FER: variants seen among roughly 807,000 people sequenced by gnomAD.
FER encodes the protein tyrosine-protein kinase Fer.
FER carries 63 observed loss-of-function variants against 111.0 expected under a neutral mutation model. That is an observed-to-expected ratio of 0.57 (90% confidence interval 0.46 to 0.70). The LOEUF is 0.70. Among genes scored for constraint, FER ranks in the 30% least tolerant of loss-of-function variants. The probability of loss-of-function intolerance (pLI) is 0.00; values close to 1 mark genes in which losing one functional copy is unlikely to be tolerated. For synonymous variants in FER, 327 were observed against 313.9 expected, an observed-to-expected ratio of 1.04 and a Z score of -0.44; for missense variants, 914 against 954.0, an observed-to-expected ratio of 0.96 and a Z score of 0.55.
chr5:108,948,274 T>A (rs1757265747), intron 11 of FER, among the ~76,000 whole-genome samples: 1 of 152,078 alleles, frequency 6.6e-6, no homozygotes, highest in Non-Finnish European at 1.5e-5. Flanking sequence ...AGATCAACAG[T>A]CTTGATAGAA....
intron 13 of FER, among the ~76,000 whole-genome samples, chr5:108,998,402 A>T (rs1259676377): frequency 1.3e-5 from 2 of 151,956 alleles, no homozygotes; most frequent in East Asian, 3.9e-4. Context: ...AGGGGAGGGA[A>T]ATTCGCTAAC....
intron 13 of FER, among the ~76,000 whole-genome samples, chr5:109,019,624 C>T (rs1188521581): frequency 5.3e-5 from 8 of 151,700 alleles, no homozygotes; most frequent in African/African-American, 1.9e-4. Context: ...GAGGATGAGA[C>T]ATCAGTCATG....
chr5:108,969,714 C>T (rs1366950308), intron 13 of FER, among the ~76,000 whole-genome samples: 1 of 147,498 alleles, frequency 6.8e-6, no homozygotes, highest in African/African-American at 2.7e-5. Context: ...TAGGATGATG[C>T]TTTATTGAGA....
At position 109,100,386 on chromosome 5, in the gene FER, A is replaced by C. The variant is rs1336264873; in HGVS notation, c.1925-10A>C. 1 of 1,608,962 alleles carries C rather than the reference A, an allele frequency of 6.2e-7. No individual in the cohort carries two copies. The highest frequency in any genetic ancestry group is 8.5e-7 in the Non-Finnish European group (1 of 1,176,924). ...ACTTTGTCTCATTGTTCATCTATCA[A>C]TTCCTCTAGGAGGTGATTTCCTCAC... is the stretch of plus-strand genomic sequence containing the variant. On this transcript the variant is annotated splice_polypyrimidine_tract_variant and intron_variant, in intron 16 of 19. Transcript: ENST00000281092.
At chr5:109,043,159 A>T (rs2149898058) in intron 14 of FER, among the ~76,000 whole-genome samples, 1 of 152,314 alleles carries the variant, frequency 6.6e-6, no homozygotes, top group Admixed American at 6.5e-5. Context: ...CGAAAAAAGT[A>T]ATATAGCCAG....
At chr5:109,129,951 A>C (rs1752182280) in intron 17 of FER, among the ~76,000 whole-genome samples, 1 of 152,062 alleles carries the variant, frequency 6.6e-6, no homozygotes, top group South Asian at 2.1e-4. Context: ...AAATAATAAC[A>C]ATACCAAATA....
intron 2 of FER, among the ~76,000 whole-genome samples, chr5:108,771,948 T>G (rs1466152126): frequency 6.6e-6 from 1 of 152,190 alleles, no homozygotes; most frequent in Admixed American, 6.5e-5. Context: ...CTGAGTAATT[T>G]ATAAACAACA....
At chr5:108,982,191 G>A (rs1056086578) in intron 13 of FER, among the ~76,000 whole-genome samples, 3 of 152,020 alleles carry the variant, frequency 2.0e-5, no homozygotes, top group Non-Finnish European at 4.4e-5. Context: ...GACACTTCTA[G>A]GTGATTTGGA....
At chr5:109,055,820 T>G (rs1413962144) in intron 16 of FER, among the ~76,000 whole-genome samples, 1 of 113,746 alleles carries the variant, frequency 8.8e-6, no homozygotes, top group Non-Finnish European at 1.9e-5. Context: ...CACATACAAC[T>G]GATGTACCAA....
intron 15 of FER, among the ~76,000 whole-genome samples, chr5:109,046,309 A>G (rs909695710): frequency 1.3e-5 from 2 of 152,060 alleles, no homozygotes; most frequent in African/African-American, 2.4e-5. Flanking sequence ...ATGATTTCCT[A>G]TTTTATGTAT....
intron 10 of FER, among the ~76,000 whole-genome samples, chr5:108,900,150 A>G (rs978607434): frequency 6.6e-6 from 1 of 152,232 alleles, no homozygotes; most frequent in African/African-American, 2.4e-5. Flanking sequence ...TATGTAGTTT[A>G]AAGCAATAAA....
At chr5:108,850,193 C>CA (rs57756039) in intron 5 of FER, among the ~76,000 whole-genome samples, 4,561 of 126,618 alleles carry the variant, frequency 0.036, 131 homozygotes, top group African/African-American at 0.09. Flanking sequence ...GACTCCGTCT[C>CA]AAAAAAAAAA....
intron 1 of FER, among the ~76,000 whole-genome samples, chr5:108,752,890 G>C (rs1484755903): frequency 2.0e-5 from 3 of 151,964 alleles, no homozygotes; most frequent in Admixed American, 2.0e-4. Flanking sequence ...GGTATTAAAA[G>C]ACTGGACATT....
At chr5:108,925,500 G>A (rs1275003600) in intron 10 of FER, among the ~76,000 whole-genome samples, 1 of 151,982 alleles carries the variant, frequency 6.6e-6, no homozygotes, top group African/African-American at 2.4e-5. Flanking sequence ...AATCTGTTGT[G>A]TTGGTGAAGA....
intron 5 of FER, among the ~76,000 whole-genome samples, chr5:108,859,618 C>A (rs924524211): frequency 1.3e-5 from 2 of 152,152 alleles, no homozygotes; most frequent in Non-Finnish European, 2.9e-5. Context: ...AGAACTCCCT[C>A]ATTCACAGTA....
At position 109,169,176 on chromosome 5, in the gene FER, A is replaced by G. The variant is rs145555916; in HGVS notation, c.2049-11571A>G. On this transcript the variant is annotated intron_variant, in intron 17 of 19. Transcript: ENST00000281092. ...GAATATTTTAGGTAAATATTTTTAA[A>G]AACCTTTATCTTGTAGAGCTACAAG... 8.0e-3 allele frequency among the ~76,000 whole-genome samples: 1,211 copies of G among 152,318 alleles called. 13 individuals carry two copies. The highest frequency in any genetic ancestry group is 0.028 in the African/African-American group (1,172 of 41,576).
intron 13 of FER, among the ~76,000 whole-genome samples, chr5:109,035,033 CT>C (rs554716544): frequency 0.031 from 3,758 of 119,660 alleles, 51 homozygotes; most frequent in African/African-American, 0.048. Flanking sequence ...AGAAATTGAA[CT>C]TTTTTTTTTT....
At chr5:108,911,717 G>A (rs956225062) in intron 10 of FER, among the ~76,000 whole-genome samples, 20 of 152,118 alleles carry the variant, frequency 1.3e-4, no homozygotes, top group Admixed American at 1.3e-3. Context: ...TTATTGGATA[G>A]GGTAGCCTTT....
intron 13 of FER, among the ~76,000 whole-genome samples, chr5:108,970,361 G>A (rs958594345): frequency 7.2e-5 from 11 of 151,878 alleles, no homozygotes; most frequent in East Asian, 1.9e-4. Context: ...GACTACAGGC[G>A]TCTGCCACCA....
Sources: gnomAD v4.1 joint callset for allele counts (sites outside exome capture counted in the v4.1 genomes callset) on GRCh38, gnomAD v4.1.1 for gene constraint, MANE v1.5 for transcripts, NCBI Gene and HGNC (gene_info 2026-07-23, HGNC 2026-07-21) for gene names.